QKI: variants seen among roughly 807,000 people sequenced by gnomAD.
QKI encodes the protein KH domain-containing RNA-binding protein QKI.
A neutral mutation model predicts 39.0 loss-of-function variants in QKI; 10 were observed. The observed-to-expected ratio is 0.26, with a 90% CI of 0.16 to 0.43. QKI has a LOEUF of 0.43. QKI is among the 20% of genes least tolerant of loss of function. The probability of loss-of-function intolerance (pLI) is 1.00; values close to 1 mark genes in which losing one functional copy is unlikely to be tolerated. For missense variants in QKI, 218 were observed against 428.0 expected (o/e 0.51, Z 4.33); for synonymous variants, 204 against 155.4 (o/e 1.31, Z -2.33).
chr6:163,519,737 C>G (rs1780036090), intron 3 of QKI, among the ~76,000 whole-genome samples: 1 of 151,912 alleles, frequency 6.6e-6, no homozygotes, highest in Admixed American at 6.6e-5. Context: ...TTTAAATTGA[C>G]CCTTGCTCTC....
intron 4 of QKI, among the ~76,000 whole-genome samples, chr6:163,558,404 C>CTTTTTT (rs964172716): frequency 7.4e-6 from 1 of 135,616 alleles, no homozygotes. Context: ...TTTTCTTTTT[C>CTTTTTT]TTTTTTTTTT....
chr6:163,441,512 C>T (rs1044949083), intron 1 of QKI, among the ~76,000 whole-genome samples: 6 of 152,308 alleles, frequency 3.9e-5, no homozygotes, highest in African/African-American at 1.4e-4. Flanking sequence ...ACAAAGCTAT[C>T]TGCCCTCTCA....
At chr6:163,443,899 A>G (rs1789941819) in intron 1 of QKI, among the ~76,000 whole-genome samples, 2 of 152,162 alleles carry the variant, frequency 1.3e-5, no homozygotes, top group South Asian at 4.1e-4. Context: ...TTTTTGGGGC[A>G]TCGGTTTCAT....
At chr6:163,545,803 C>G (rs936944060) in intron 4 of QKI, among the ~76,000 whole-genome samples, 1 of 151,582 alleles carries the variant, frequency 6.6e-6, no homozygotes, top group African/African-American at 2.4e-5. Flanking sequence ...AAAAAGGGAC[C>G]CTGGGCATAG....
At chr6:163,426,055 TC>T (rs1185023654) in intron 1 of QKI, among the ~76,000 whole-genome samples, 2 of 152,348 alleles carry the variant, frequency 1.3e-5, no homozygotes, top group South Asian at 4.1e-4. Flanking sequence ...AGTTAACACT[TC>T]CTTACATAGT....
At chr6:163,541,294 A>G (rs1042312248) in intron 4 of QKI, among the ~76,000 whole-genome samples, 4 of 152,002 alleles carry the variant, frequency 2.6e-5, no homozygotes, top group Admixed American at 6.6e-5. Context: ...GTAGATTTCT[A>G]ATTTGTTATG....
At chr6:163,559,501 T>A (rs1274971842) in intron 4 of QKI, among the ~76,000 whole-genome samples, 3 of 152,232 alleles carry the variant, frequency 2.0e-5, no homozygotes, top group African/African-American at 7.2e-5. Context: ...CTTATTTCGT[T>A]TTTAACAAAT....
rs115983606 is a variant in QKI at position 163,532,700 on chromosome 6, C to T, written c.403-2282C>T. Reference sequence around the variant, plus strand: ...GAGCCAGGCACTTTGACCTGGAATCCTTTTGGGTGGTTCCTTCCCTGGCCT... The same window carrying T: ...GAGCCAGGCACTTTGACCTGGAATCTTTTTGGGTGGTTCCTTCCCTGGCCT... On this transcript the variant is annotated intron_variant, in intron 3 of 7. Coordinates refer to ENST00000361752, the MANE Select transcript of QKI (RefSeq NM_006775.3). Among the ~76,000 whole-genome samples, 435 of 152,242 alleles carry T rather than the reference C, an allele frequency of 2.9e-3. 2 individuals are homozygous for T. The highest frequency in any genetic ancestry group is 9.7e-3 in the African/African-American group (403 of 41,558).
rs995732967 is a variant in QKI, at chr6:163,577,723, C to G, written c.*7013C>G. 3 of 152,242 alleles carry G rather than the reference C, an allele frequency of 2.0e-5. No individual in the cohort carries two copies. The highest frequency in any genetic ancestry group is 4.4e-5 in the Non-Finnish European group (3 of 68,014). 9.4% of individuals were successfully genotyped at this position (152,242 alleles called of 1,614,324 possible). A position where few individuals can be genotyped will look rare whatever the true frequency, so the allele number is the denominator to read the frequency against. ...TGGTCCAGGATGGTGATCTGACTTT[C>G]AAACCAGCTTCTCAAAAGGGGTGAC... is the stretch of plus-strand genomic sequence containing the variant. On this transcript the variant is annotated 3_prime_UTR_variant, in exon 8 of 8. Coordinates refer to ENST00000361752, the MANE Select transcript of QKI (RefSeq NM_006775.3).
At chr6:163,483,930 G>A (rs1793271452) in intron 3 of QKI, among the ~76,000 whole-genome samples, 1 of 152,262 alleles carries the variant, frequency 6.6e-6, no homozygotes, top group African/African-American at 2.4e-5. Flanking sequence ...AAATAATAAG[G>A]CTTGAAAGTC....
In QKI at chr6:163,415,440, C is replaced by T. The variant is rs1358858625; in HGVS notation, c.142+105C>T. The T allele has an allele frequency of 1.1e-5, 13 of 1,140,938 alleles. No homozygotes were observed. In the East Asian group the frequency reaches 3.6e-4, roughly 32 times the overall value. 70.7% of individuals were successfully genotyped at this position (1,140,938 alleles called of 1,614,324 possible). A position where few individuals can be genotyped will look rare whatever the true frequency, so the allele number is the denominator to read the frequency against. ...CGGGAAGGTCACGGCCGGGCGGGAC[C>T]GAGCGCCGGGGGGACTGGGAGGCCA... On this transcript the variant is annotated intron_variant, in intron 1 of 7. Transcript: ENST00000361752.
intron 4 of QKI, among the ~76,000 whole-genome samples, chr6:163,545,279 A>G (rs948346266): frequency 1.6e-4 from 25 of 152,126 alleles, no homozygotes; most frequent in Non-Finnish European, 2.2e-4. Flanking sequence ...TTTATATTCT[A>G]TCTCCACATT....
At chr6:163,448,803 C>T (rs936552239) in intron 1 of QKI, among the ~76,000 whole-genome samples, 24 of 151,838 alleles carry the variant, frequency 1.6e-4, no homozygotes, top group African/African-American at 5.6e-4. Context: ...CTCTCTGTAC[C>T]TTGTGAACTT....
chr6:163,484,651 A>C (rs2759381), intron 3 of QKI, among the ~76,000 whole-genome samples: 105,414 of 152,038 alleles, frequency 0.69, 37,589 homozygotes, highest in East Asian at 1. Context: ...CTCTCTAGCT[A>C]TGAAAGTTTT....
intron 1 of QKI, among the ~76,000 whole-genome samples, chr6:163,425,714 A>G (rs1788354217): frequency 6.6e-6 from 1 of 152,052 alleles, no homozygotes; most frequent in South Asian, 2.1e-4. Flanking sequence ...CCTTACCTAC[A>G]GGTTAGTGTA....
At chr6:163,478,597 ATG>A (rs1583060208) in intron 2 of QKI, among the ~76,000 whole-genome samples, 181 bp from the exon 3 acceptor site, 2 of 152,238 alleles carry the variant, frequency 1.3e-5, no homozygotes, top group East Asian at 3.8e-4. Context: ...ATGCTAAACG[ATG>A]AGCTATTGTA....
chr6:163,458,477 G>A (rs983291959), intron 2 of QKI, among the ~76,000 whole-genome samples: 1 of 152,112 alleles, frequency 6.6e-6, no homozygotes, highest in Non-Finnish European at 1.5e-5. Context: ...AGTATTTGTT[G>A]CACATATTTG....
chr6:163,569,643 A>G (rs1783586862), intron 7 of QKI: 1 of 1,002,694 alleles, frequency 1.0e-6, no homozygotes, highest in African/African-American at 1.7e-5. Context: ...TTTATGTTTT[A>G]CTGTAATTTT....
chr6:163,563,544 T>A lies in QKI; in HGVS notation c.759T>A (p.Pro253=). The change falls in exon 6 of 8, where the codon CCT becomes CCA. Residue 253 remains proline, a synonymous_variant. Transcript: ENST00000361752. ...TPTPAGPTIM[P]LIRQIQTAVM... ...CGCCAGCTGGCCCTACCATAATGCCTTTGATCAGACAAATACAGACCGCTG... is the reference window on the plus strand; with the variant it reads ...CGCCAGCTGGCCCTACCATAATGCCATTGATCAGACAAATACAGACCGCTG... 1 of 1,614,206 alleles carries A rather than the reference T, an allele frequency of 6.2e-7. No individual in the cohort carries two copies. The highest frequency in any genetic ancestry group is 1.1e-5 in the South Asian group (1 of 91,080).
Sources: allele counts gnomAD v4.1 joint callset (sites outside exome capture counted in the v4.1 genomes callset), GRCh38; gene constraint gnomAD v4.1.1; transcripts MANE v1.5; gene names NCBI Gene and HGNC (gene_info 2026-07-23, HGNC 2026-07-21).